The following JAZF1 variants were observed in gnomAD, a reference collection of about 807,000 sequenced individuals.
The protein encoded by JAZF1 is juxtaposed with another zinc finger protein 1.
Under a neutral mutation model 26.4 loss-of-function variants are expected in JAZF1, and 8 were observed. The ratio of observed to expected loss-of-function variants is 0.30; its 90% CI spans 0.18 to 0.55. The LOEUF (loss-of-function observed/expected upper bound fraction) is 0.55, where lower values mean the gene tolerates loss of function less well. Ranked by LOEUF, JAZF1 falls within the 20% of genes least tolerant of loss-of-function variation. JAZF1 has a pLI of 0.94. For missense variants in JAZF1, 199 were observed against 322.0 expected (o/e 0.62, Z 2.92); for synonymous variants, 126 against 122.3 (o/e 1.03, Z -0.20).
At chr7:27,998,986 T>A (rs191625416) in intron 1 of JAZF1, among the ~76,000 whole-genome samples, 1 of 152,330 alleles carries the variant, frequency 6.6e-6, no homozygotes, top group East Asian at 1.9e-4. Context: ...ATAAGATGTA[T>A]AGTCCTTCTA....
At chr7:27,904,563 T>C (rs6951040) in intron 2 of JAZF1, among the ~76,000 whole-genome samples, 145,041 of 152,330 alleles carry the variant, frequency 0.95, 69,163 homozygotes, top group East Asian at 1. Context: ...AGTAATGCTT[T>C]AAATAATCCT....
intron 3 of JAZF1, among the ~76,000 whole-genome samples, chr7:27,858,123 C>T (rs973151470): frequency 1.1e-4 from 17 of 151,852 alleles, no homozygotes; most frequent in African/African-American, 4.1e-4. Flanking sequence ...AGCCAAATCC[C>T]ACTCACAATT....
chr7:28,152,788 G>GA (rs1783129707), intron 1 of JAZF1, among the ~76,000 whole-genome samples: 1 of 152,198 alleles, frequency 6.6e-6, no homozygotes, highest in Admixed American at 6.5e-5. Context: ...ACACAGGACA[G>GA]GAAAAGGAAG....
chr7:28,161,649 C>T (rs1255924380), intron 1 of JAZF1, among the ~76,000 whole-genome samples: 1 of 152,144 alleles, frequency 6.6e-6, no homozygotes, highest in Non-Finnish European at 1.5e-5. Flanking sequence ...AGCAATAAGT[C>T]CCTCTGGGGC....
At chr7:28,040,778 A>G (rs1281447005) in intron 1 of JAZF1, among the ~76,000 whole-genome samples, 1 of 152,154 alleles carries the variant, frequency 6.6e-6, no homozygotes, top group Admixed American at 6.5e-5. Flanking sequence ...TTAAGAGAGG[A>G]ATTGGGAATG....
intron 1 of JAZF1, among the ~76,000 whole-genome samples, chr7:28,148,466 C>T (rs1243384191): frequency 6.6e-6 from 1 of 152,202 alleles, no homozygotes; most frequent in East Asian, 1.9e-4. Context: ...CCTCTCTCAT[C>T]ATTACTCACT....
chr7:28,107,008 C>T (rs1784563057), intron 1 of JAZF1, among the ~76,000 whole-genome samples: 1 of 152,102 alleles, frequency 6.6e-6, no homozygotes, highest in South Asian at 2.1e-4. Context: ...TAAATTATAC[C>T]TCGGTTCTTT....
intron 2 of JAZF1, among the ~76,000 whole-genome samples, chr7:27,910,566 A>G (rs1385063248): frequency 6.6e-6 from 1 of 152,138 alleles, no homozygotes; most frequent in Admixed American, 6.5e-5. Context: ...CTGCTGGTTT[A>G]TTTAGCAAAG....
At chr7:27,973,679 T>C (rs1017510226) in intron 2 of JAZF1, among the ~76,000 whole-genome samples, 1 of 152,162 alleles carries the variant, frequency 6.6e-6, no homozygotes, top group Non-Finnish European at 1.5e-5. Context: ...CTTTGTAAAA[T>C]AGATAGTGTT....
In JAZF1 at chr7:27,995,147, C is replaced by T. The variant is rs73683930; in HGVS notation, c.116-3166G>A. Among the ~76,000 whole-genome samples the T allele has an allele frequency of 8.3e-3, 1,261 of 152,234 alleles. 17 individuals are homozygous for T. Among genetic ancestry groups the T allele is most frequent in the African/African-American group, 0.028 (1,175 of 41,528 alleles). ...CAGATATTTTTTGAACATGATAAAT[C>T]GCTACACTAAGGAATATAATATGAA... On this transcript the variant is annotated intron_variant, in intron 1 of 4. Coordinates refer to ENST00000283928, the MANE Select transcript of JAZF1 (RefSeq NM_175061.4).
At chr7:28,087,023 CAATTT>C (rs1052901685) in intron 1 of JAZF1, among the ~76,000 whole-genome samples, 2 of 152,134 alleles carry the variant, frequency 1.3e-5, no homozygotes, top group African/African-American at 4.8e-5. Flanking sequence ...TCATACTAAT[CAATTT>C]AATTTAATTC....
chr7:28,157,103 C>A (rs1328245926), intron 1 of JAZF1, among the ~76,000 whole-genome samples: 1 of 152,208 alleles, frequency 6.6e-6, no homozygotes, highest in Non-Finnish European at 1.5e-5. Flanking sequence ...GTAACTCAAT[C>A]TCCTCTCTCC....
intron 2 of JAZF1, among the ~76,000 whole-genome samples, chr7:27,904,217 A>T (rs1784211664): frequency 6.6e-6 from 1 of 152,246 alleles, no homozygotes; most frequent in Non-Finnish European, 1.5e-5. Context: ...GGTACATTTC[A>T]GCATGCAACC....
At chr7:27,922,916 G>T (rs1784555313) in intron 2 of JAZF1, among the ~76,000 whole-genome samples, 1 of 152,188 alleles carries the variant, frequency 6.6e-6, no homozygotes, top group Non-Finnish European at 1.5e-5. Flanking sequence ...GAAGAAATGG[G>T]AAGTGATATG....
chr7:27,951,020 TA>T (rs1784999729), intron 2 of JAZF1, among the ~76,000 whole-genome samples: 1 of 152,210 alleles, frequency 6.6e-6, no homozygotes, highest in African/African-American at 2.4e-5. Context: ...AAATGATATT[TA>T]AATAAATGTT....
chr7:27,898,922 C>T (rs1784118012), intron 2 of JAZF1, among the ~76,000 whole-genome samples: 1 of 152,052 alleles, frequency 6.6e-6, no homozygotes, highest in South Asian at 2.1e-4. Context: ...CACAGCTGCA[C>T]AATTTGTTCT....
At chr7:27,926,061 G>C (rs932513575) in intron 2 of JAZF1, among the ~76,000 whole-genome samples, 1 of 152,234 alleles carries the variant, frequency 6.6e-6, no homozygotes, top group Admixed American at 6.5e-5. Flanking sequence ...CATTAGGGCA[G>C]GCAGAGTGTG....
At chr7:28,168,380 C>T (rs1283338661) in intron 1 of JAZF1, among the ~76,000 whole-genome samples, 3 of 71,142 alleles carry the variant, frequency 4.2e-5, no homozygotes, top group Non-Finnish European at 7.8e-5. Context: ...GACTCCGTCT[C>T]AAAAAAAAAA....
In JAZF1 at chr7:27,878,101, C is replaced by T. The variant is rs143424502; in HGVS notation, c.385+17119G>A. 6.2e-3 allele frequency among the ~76,000 whole-genome samples: 946 copies of T among 152,160 alleles called. 6 individuals are homozygous for T. The highest frequency in any genetic ancestry group is 0.022 in the African/African-American group (899 of 41,498). On this transcript the variant is annotated intron_variant, in intron 3 of 4. Transcript: ENST00000283928. ...CAGAGGGAATTATATAGCTATGGCT[C>T]GATGGGGTCTCAGGAGTGAACTACG...
Sources: allele counts gnomAD v4.1 joint callset (sites outside exome capture counted in the v4.1 genomes callset), GRCh38; gene constraint gnomAD v4.1.1; transcripts MANE v1.5; gene names NCBI Gene and HGNC (gene_info 2026-07-23, HGNC 2026-07-21).